Variants in TOP2A observed in about 807,000 individuals in gnomAD.
TOP2A encodes DNA topoisomerase 2-alpha.
TOP2A carries 68 observed loss-of-function variants against 187.2 expected under a neutral mutation model. The observed-to-expected ratio is 0.36, with a 90% CI of 0.30 to 0.44. TOP2A has a LOEUF of 0.44. Ranked by LOEUF, TOP2A falls within the 20% of genes least tolerant of loss-of-function variation. The probability of loss-of-function intolerance (pLI) is 1.00; values close to 1 mark genes in which losing one functional copy is unlikely to be tolerated. For synonymous variants in TOP2A, 542 were observed against 593.2 expected, an observed-to-expected ratio of 0.91 and a Z score of 1.25; for missense variants, 1,196 against 1,808.7, an observed-to-expected ratio of 0.66 and a Z score of 6.14.
intron 18 of TOP2A, 36 bp from the exon 19 acceptor site, chr17:40,404,309 C>G: frequency 6.2e-7 from 1 of 1,608,352 alleles, no homozygotes; most frequent in Non-Finnish European, 8.5e-7. Flanking sequence ...TAAGTATCCT[C>G]AATTTAACCA....
In TOP2A at chr17:40,392,726, T is replaced by C; in HGVS notation, c.3823A>G (p.Lys1275Glu). 6.2e-7 allele frequency: 1 copy of C among 1,610,548 alleles called. No homozygotes were observed. The highest frequency in any genetic ancestry group is 8.5e-7 in the Non-Finnish European group (1 of 1,179,398). Residue 1275 changes from lysine to glutamate, a missense_variant, in exon 30 of 35, where the codon AAG (lysine) becomes GAG (glutamate). By Grantham distance (56) the Lys-to-Glu change is moderately conservative. This residue lies in a region of TOP2A where 374 missense variants were observed against 403.3 expected (regional missense o/e 0.93). Transcript: ENST00000423485. ...TTAAATGCCAATGTAGTTTGTTTCT[T>C]TGTCTTTGTACCTAGAGGGGAGATA... ...KQKREPGTKT[K>E]KQTTLAFKPI...
Position 40,392,651 on chromosome 17 carries a change from C to G in TOP2A, c.3898G>C (p.Asp1300His). The G allele has an allele frequency of 1.2e-6, 2 of 1,613,636 alleles. No individual in the cohort carries two copies. The highest frequency in any genetic ancestry group is 1.7e-6 in the Non-Finnish European group (2 of 1,179,844). The change falls in exon 30 of 35, where the codon GAT becomes CAT. Residue 1300 changes from aspartate (D) to histidine (H), a missense_variant. Coordinates refer to ENST00000423485, the MANE Select transcript of TOP2A (RefSeq NM_001067.4). ...AAATTACTTTCGTCACTGCTCCTAT[C>G]TGATTCTGAATCAGACCAGGGATTT... ...KRNPWSDSES[D>H]RSSDESNFDV... is the part of the protein sequence containing the mutation.
intron 27 of TOP2A, 149 bp downstream of exon 27, chr17:40,398,409 T>C: frequency 1.4e-6 from 1 of 722,086 alleles, no homozygotes; most frequent in South Asian, 2.1e-5. Context: ...TGGCCAATAA[T>C]CTGTTCTTTT....
At chr17:40,403,869 A>AT (rs1450475909) in intron 19 of TOP2A, among the ~76,000 whole-genome samples, 5 of 152,238 alleles carry the variant, frequency 3.3e-5, no homozygotes, top group African/African-American at 1.2e-4. Flanking sequence ...ACAATTTATT[A>AT]TAACAATTTT....
At chr17:40,413,317 A>G (rs2035346664) in intron 5 of TOP2A, 25 bp from the exon 6 acceptor site, 1 of 1,520,864 alleles carries the variant, frequency 6.6e-7, no homozygotes. Flanking sequence ...ATGAAACACT[A>G]TTTTATTGTT....
At chr17:40,408,969 C>T (rs891431757) in intron 10 of TOP2A, 27 of 439,664 alleles carry the variant, frequency 6.1e-5, no homozygotes, top group Non-Finnish European at 1.1e-4. Flanking sequence ...CCAAGGTGGG[C>T]AGAACACCTG....
In TOP2A at chr17:40,413,308, T is replaced by C. The variant is rs372506522; in HGVS notation, c.479-16A>G. ...TTTCGACCACCTGGGCAAATAAATA[T>C]GAAACACTATTTTATTGTTACTATC... On this transcript the variant is annotated splice_polypyrimidine_tract_variant and intron_variant, in intron 5 of 34. Transcript: ENST00000423485. 33 of 1,535,448 alleles carry C rather than the reference T, an allele frequency of 2.1e-5. No homozygotes were observed. In the African/African-American group the frequency reaches 3.3e-4, roughly 15 times the overall value.
At chr17:40,410,614 G>A in intron 10 of TOP2A, 2 of 456,426 alleles carry the variant, frequency 4.4e-6, no homozygotes, top group South Asian at 3.1e-5. Flanking sequence ...AGAAGCTACT[G>A]CAGCATCCAA....
intron 5 of TOP2A, 48 bp downstream of exon 5, chr17:40,413,432 T>C (rs1258795324): frequency 3.5e-6 from 5 of 1,436,856 alleles, no homozygotes; most frequent in African/African-American, 1.4e-5. Flanking sequence ...GTCATTTAAA[T>C]ATATATATTT....
chr17:40,405,241 C>T (rs2035225544), intron 16 of TOP2A, among the ~76,000 whole-genome samples: 1 of 151,968 alleles, frequency 6.6e-6, no homozygotes, highest in African/African-American at 2.4e-5. Flanking sequence ...CCTCCACTTC[C>T]CAAGTTCAAG....
chr17:40,416,272 A>C, intron 3 of TOP2A, 150 bp downstream of exon 3: 2 of 707,026 alleles, frequency 2.8e-6, no homozygotes, highest in Non-Finnish European at 4.7e-6. Flanking sequence ...CACCTTTATC[A>C]ACTGATTGAA....
intron 29 of TOP2A, among the ~76,000 whole-genome samples, chr17:40,393,289 T>C (rs548431456): frequency 6.6e-6 from 1 of 151,926 alleles, no homozygotes; most frequent in Non-Finnish European, 1.5e-5. Context: ...ATCATGCCAC[T>C]GTACTCCAGC....
chr17:40,389,246 A>G lies in TOP2A; in HGVS notation c.*273T>C. ...GATCAGATAGCTATTTCTACAGTTCAGAAGAACTTAAAAATCAGGTTTTAA... is the reference window on the plus strand; with the variant it reads ...GATCAGATAGCTATTTCTACAGTTCGGAAGAACTTAAAAATCAGGTTTTAA... On this transcript the variant is annotated 3_prime_UTR_variant, in exon 35 of 35. Coordinates refer to ENST00000423485, the MANE Select transcript of TOP2A (RefSeq NM_001067.4). 1 of 331,658 alleles carries G rather than the reference A, an allele frequency of 3.0e-6. No individual in the cohort carries two copies. Among genetic ancestry groups the G allele is most frequent in the Non-Finnish European group, 5.6e-6 (1 of 178,646 alleles). The allele number at this position is 331,658 out of a possible 1,614,324, so 20.5% of individuals were successfully genotyped here.
chr17:40,408,659 T>C (rs777104571), intron 10 of TOP2A, 29 bp from the exon 11 acceptor site: 2 of 1,609,560 alleles, frequency 1.2e-6, no homozygotes, highest in South Asian at 1.1e-5. Context: ...ATATTAGGGA[T>C]CATATTAGGG....
chr17:40,402,491 G>A (rs528803609), intron 20 of TOP2A, among the ~76,000 whole-genome samples: 1 of 152,306 alleles, frequency 6.6e-6, no homozygotes, highest in South Asian at 2.1e-4. Context: ...AGAACCAGAA[G>A]AGTCTACAGT....
intron 29 of TOP2A, 114 bp downstream of exon 29, chr17:40,395,335 C>G: frequency 1.5e-5 from 6 of 402,834 alleles, no homozygotes; most frequent in African/African-American, 2.2e-5. Flanking sequence ...ATACAGTCCT[C>G]TTTCACGTTT....
rs774408181 is a variant in TOP2A at position 40,406,953 on chromosome 17, T to G, written c.1627-11A>C. The G allele has an allele frequency of 7.6e-6, 12 of 1,572,572 alleles. No homozygotes were observed. The highest frequency in any genetic ancestry group is 1.0e-5 in the Non-Finnish European group (12 of 1,155,110). On this transcript the variant is annotated splice_polypyrimidine_tract_variant and intron_variant, in intron 13 of 34. Transcript: ENST00000423485. ...GGAACCATCTTGGTCCTAGAAAGATTTGAAAGCCAAAGTTCAAAAGAACTG... is the reference window on the plus strand; with the variant it reads ...GGAACCATCTTGGTCCTAGAAAGATGTGAAAGCCAAAGTTCAAAAGAACTG...
At position 40,416,411 on chromosome 17, in the gene TOP2A, G is replaced by A. The variant is rs750333191; in HGVS notation, c.268+11C>T. On this transcript the variant is annotated intron_variant, in intron 3 of 34. Coordinates refer to ENST00000423485, the MANE Select transcript of TOP2A (RefSeq NM_001067.4). Reference sequence around the variant, plus strand: ...ATTTGACCAGATCTTTATATTAAAGGATTTACTCACCTAGAATCTCATCAA... The same window carrying A: ...ATTTGACCAGATCTTTATATTAAAGAATTTACTCACCTAGAATCTCATCAA... 9 of 1,512,616 alleles carry A rather than the reference G, an allele frequency of 5.9e-6. No homozygotes were observed. In the African/African-American group the frequency reaches 1.2e-4, roughly 21 times the overall value. 93.7% of individuals were successfully genotyped at this position (1,512,616 alleles called of 1,614,324 possible). A position where few individuals can be genotyped will look rare whatever the true frequency, so the allele number is the denominator to read the frequency against.
chr17:40,414,428 C>G (rs1200320823), intron 4 of TOP2A, among the ~76,000 whole-genome samples: 3 of 152,182 alleles, frequency 2.0e-5, no homozygotes, highest in Admixed American at 6.5e-5. Flanking sequence ...CAAACTACTC[C>G]TGGGCTCAAC....
Sources: gnomAD v4.1 joint callset for allele counts (sites outside exome capture counted in the v4.1 genomes callset) on GRCh38, gnomAD v4.1.1 for gene constraint, gnomAD v4.1.1 regional missense constraint, MANE v1.5 for transcripts, NCBI Gene and HGNC (gene_info 2026-07-23, HGNC 2026-07-21) for gene names.